Variants in FOXP1 observed in about 807,000 individuals in gnomAD.
FOXP1 encodes forkhead box protein P1.
Under a neutral mutation model 98.2 loss-of-function variants are expected in FOXP1, and 15 were observed. The ratio of observed to expected loss-of-function variants is 0.15; its 90% CI spans 0.10 to 0.24. FOXP1 has a LOEUF of 0.24. FOXP1 is among the 10% of genes least tolerant of loss of function. The pLI is 1.00. For synonymous variants in FOXP1, 371 were observed against 314.5 expected, an observed-to-expected ratio of 1.18 and a Z score of -1.90; for missense variants, 633 against 848.5, an observed-to-expected ratio of 0.75 and a Z score of 3.15.
chr3:71,475,702 T>G (rs1035135445), intron 3 of FOXP1, among the ~76,000 whole-genome samples: 1 of 151,948 alleles, frequency 6.6e-6, no homozygotes, highest in Non-Finnish European at 1.5e-5. Flanking sequence ...AATTAGCTGG[T>G]GTGGTGCTGT....
chr3:71,308,806 TGG>T (rs1491496870), intron 4 of FOXP1, among the ~76,000 whole-genome samples: 5 of 122,692 alleles, frequency 4.1e-5, no homozygotes, highest in African/African-American at 1.4e-4. Context: ...TGTGTGTGTG[TGG>T]GTGAGGGGGG....
At chr3:70,974,301 T>G (rs1035425499) in intron 17 of FOXP1, among the ~76,000 whole-genome samples, 9 of 152,152 alleles carry the variant, frequency 5.9e-5, no homozygotes, top group Non-Finnish European at 8.8e-5. Context: ...TAAGCAGTTT[T>G]TTTTTTTCTT....
intron 3 of FOXP1, among the ~76,000 whole-genome samples, chr3:71,411,337 C>A (rs548529565): frequency 7.0e-6 from 1 of 142,496 alleles, no homozygotes; most frequent in African/African-American, 2.6e-5. Context: ...GTGTGAGTGA[C>A]GGAGTCTTGC....
At chr3:71,016,360 G>T (rs1387457875) in intron 11 of FOXP1, among the ~76,000 whole-genome samples, 1 of 152,154 alleles carries the variant, frequency 6.6e-6, no homozygotes, top group Admixed American at 6.6e-5. Flanking sequence ...CAAGTCATGG[G>T]ATGCTTTGAT....
chr3:71,257,980 C>A (rs2068777957), intron 5 of FOXP1, among the ~76,000 whole-genome samples: 1 of 152,172 alleles, frequency 6.6e-6, no homozygotes, highest in South Asian at 2.1e-4. Flanking sequence ...ACCTCGCAGT[C>A]CTGATGCACA....
intron 14 of FOXP1, among the ~76,000 whole-genome samples, chr3:70,982,180 A>C (rs2038983949): frequency 6.6e-6 from 1 of 151,846 alleles, no homozygotes; most frequent in Non-Finnish European, 1.5e-5. Context: ...CCCAAAAAAA[A>C]TTAATTACAG....
chr3:71,025,619 T>A (rs993326745), intron 11 of FOXP1, among the ~76,000 whole-genome samples: 4 of 152,242 alleles, frequency 2.6e-5, no homozygotes, highest in African/African-American at 9.6e-5. Flanking sequence ...GCTGTATTTC[T>A]TTTTTGTTTT....
At chr3:70,975,494 G>A (rs765572780) in intron 17 of FOXP1, among the ~76,000 whole-genome samples, 1 of 152,302 alleles carries the variant, frequency 6.6e-6, no homozygotes, top group East Asian at 1.9e-4. Context: ...TAATTTATCA[G>A]GAACTTAACA....
At chr3:71,468,587 C>T (rs1333257415) in intron 3 of FOXP1, among the ~76,000 whole-genome samples, 1 of 152,180 alleles carries the variant, frequency 6.6e-6, no homozygotes, top group Non-Finnish European at 1.5e-5. Flanking sequence ...CAGGCTTCTC[C>T]TCTATATGTT....
chr3:71,235,680 C>T (rs1331550795), intron 5 of FOXP1, among the ~76,000 whole-genome samples: 1 of 152,128 alleles, frequency 6.6e-6, no homozygotes, highest in African/African-American at 2.4e-5. Flanking sequence ...GATTCTCCTA[C>T]CTCAGCCTCC....
chr3:71,396,986 ATATATATACACATATATATGTG>A (rs1560424712), intron 3 of FOXP1, among the ~76,000 whole-genome samples: 1 of 78,238 alleles, frequency 1.3e-5, no homozygotes, highest in East Asian at 2.8e-4. Flanking sequence ...ATATATGTGT[ATATATATACACATATATATGTG>A]TATATATATA....
intron 7 of FOXP1, among the ~76,000 whole-genome samples, chr3:71,101,477 G>A (rs2056952917): frequency 6.6e-6 from 1 of 151,924 alleles, no homozygotes; most frequent in Non-Finnish European, 1.5e-5. Context: ...GAGGCCAGGG[G>A]GTACTGATTT....
At chr3:71,222,373 G>A (rs1284931932) in intron 5 of FOXP1, among the ~76,000 whole-genome samples, 5 of 152,004 alleles carry the variant, frequency 3.3e-5, no homozygotes, top group Non-Finnish European at 4.4e-5. Flanking sequence ...ACATCCTCTG[G>A]TGCTCAGCCT....
At chr3:71,064,566 G>T (rs1332417065) in intron 7 of FOXP1, among the ~76,000 whole-genome samples, 10 of 151,914 alleles carry the variant, frequency 6.6e-5, no homozygotes, top group Non-Finnish European at 8.8e-5. Flanking sequence ...AGCAAGGGGG[G>T]TGGGGGGGTA....
intron 11 of FOXP1, among the ~76,000 whole-genome samples, chr3:71,025,453 G>A (rs982596986): frequency 5.3e-5 from 8 of 152,088 alleles, no homozygotes; most frequent in African/African-American, 1.7e-4. Flanking sequence ...AAATGTCTAT[G>A]CTTAAAGAAA....
chr3:71,562,322 C>T (rs997866793), intron 2 of FOXP1, among the ~76,000 whole-genome samples: 54 of 152,328 alleles, frequency 3.5e-4, no homozygotes, highest in African/African-American at 1.3e-3. Flanking sequence ...TAATCTTCAC[C>T]ACCAGCCTTA....
intron 3 of FOXP1, among the ~76,000 whole-genome samples, chr3:71,381,119 T>C (rs901884831): frequency 5.9e-5 from 9 of 152,100 alleles, no homozygotes; most frequent in Admixed American, 1.3e-4. Context: ...TTTTATCTGC[T>C]ATTGACTCAG....
chr3:71,396,589 A>T (rs2081387892), intron 3 of FOXP1, among the ~76,000 whole-genome samples: 1 of 152,050 alleles, frequency 6.6e-6, no homozygotes, highest in Non-Finnish European at 1.5e-5. Context: ...GTCAGCTAAG[A>T]TCAGGCCTAA....
At chr3:71,460,630 G>A (rs1577638080) in intron 3 of FOXP1, among the ~76,000 whole-genome samples, 1 of 152,016 alleles carries the variant, frequency 6.6e-6, no homozygotes, top group South Asian at 2.1e-4. Flanking sequence ...GTATACACGG[G>A]GTTTTACCGT....
Sources: gnomAD v4.1 joint callset for allele counts (sites outside exome capture counted in the v4.1 genomes callset) on GRCh38, gnomAD v4.1.1 for gene constraint, MANE v1.5 for transcripts, NCBI Gene and HGNC (gene_info 2026-07-23, HGNC 2026-07-21) for gene names.